The following BAAT variants were observed in gnomAD, a reference collection of about 807,000 sequenced individuals.
BAAT encodes the protein bile acid CoA: amino acid N-acyltransferase (glycine N-choloyltransferase).
A neutral mutation model predicts 18.9 loss-of-function variants in BAAT; 13 were observed. The ratio of observed to expected loss-of-function variants is 0.69; its 90% CI spans 0.45 to 1.10. BAAT has a LOEUF of 1.10. Among genes scored for constraint, BAAT ranks in the 50% least tolerant of loss-of-function variants. BAAT has a pLI of 0.00. For missense variants in BAAT, 489 were observed against 504.0 expected (o/e 0.97, Z 0.28); for synonymous variants, 170 against 190.7 (o/e 0.89, Z 0.89).
chr9:101,380,659 A>C (rs11496612), intron 1 of BAAT, among the ~76,000 whole-genome samples: 47,059 of 152,132 alleles, frequency 0.31, 8,875 homozygotes, highest in Non-Finnish European at 0.43. Flanking sequence ...GCTCCCATCA[A>C]AATTCAAGTG....
Position 101,370,977 on chromosome 9 carries a change from C to G in BAAT, c.428G>C (p.Arg143Pro), listed in dbSNP as rs953427538. Residue 143 changes from arginine to proline, a missense_variant, in exon 2 of 4, where the codon CGA (arginine) becomes CCA (proline). Transcript: ENST00000259407. ...VAPGVTRIKV[R>P]EGRLRGALFL... ...GAGAGCTCCTCGAAGGCGGCCTTCTCGAACCTTAATTCGTGTGACACCAGG... is the reference window on the plus strand; with the variant it reads ...GAGAGCTCCTCGAAGGCGGCCTTCTGGAACCTTAATTCGTGTGACACCAGG... 3.1e-6 allele frequency: 5 copies of G among 1,613,940 alleles called. No individual in the cohort carries two copies. The African/African-American group carries it at 5.3e-5, about 17-fold the overall frequency.
At chr9:101,370,218 A>G in intron 2 of BAAT, among the ~76,000 whole-genome samples, 1 of 152,068 alleles carries the variant, frequency 6.6e-6, no homozygotes, top group African/African-American at 2.4e-5. Context: ...AGGCTGAAGA[A>G]GTATGCAGAA....
At chr9:101,364,765 A>G (rs1237707737) in intron 3 of BAAT, among the ~76,000 whole-genome samples, 1 of 152,188 alleles carries the variant, frequency 6.6e-6, no homozygotes, top group Non-Finnish European at 1.5e-5. Context: ...TTTCCTAACT[A>G]AGGAGGAAAA....
At chr9:101,372,563 TTCTC>T (rs976124686) in intron 1 of BAAT, among the ~76,000 whole-genome samples, 4 of 151,898 alleles carry the variant, frequency 2.6e-5, no homozygotes, top group Non-Finnish European at 4.4e-5. Flanking sequence ...GTTACCACTG[TTCTC>T]TCTCTAACAA....
At position 101,371,303 on chromosome 9, in the gene BAAT, T is replaced by A. The variant is rs774722346; in HGVS notation, c.102A>T (p.Ala34=). 36 of 1,613,646 alleles carry A rather than the reference T, an allele frequency of 2.2e-5. No homozygotes were observed. In the East Asian group the frequency reaches 3.3e-4, roughly 15 times the overall value. ...TGTCTCCGTTTTCATCTTCCAGTGA[T>A]GCCTGAAAACTCACCATCTGAAAGG... is the stretch of plus-strand genomic sequence containing the variant. ...LIPFQMVSFQ[A]SLEDENGDMF... The change falls in exon 2 of 4, where the codon GCA becomes GCT. Residue 34 remains alanine, a synonymous_variant. Coordinates refer to ENST00000259407, the MANE Select transcript of BAAT (RefSeq NM_001701.4).
intron 3 of BAAT, among the ~76,000 whole-genome samples, chr9:101,365,223 C>T (rs781020779): frequency 6.6e-6 from 1 of 152,088 alleles, no homozygotes; most frequent in Non-Finnish European, 1.5e-5. Flanking sequence ...TTTTCTAAAA[C>T]CTTTGTTGAC....
At position 101,380,712 on chromosome 9, in the gene BAAT, C is replaced by T. The variant is rs115400906; in HGVS notation, c.-60+4143G>A. Among the ~76,000 whole-genome samples the T allele has an allele frequency of 1.9e-3, 294 of 152,230 alleles. 1 individual carries two copies. The highest frequency in any genetic ancestry group is 6.6e-3 in the African/African-American group (276 of 41,562). On this transcript the variant is annotated intron_variant, in intron 1 of 3. Transcript: ENST00000259407. ...TATTAACAGTAGGAGATATGTCAAT[C>T]ACATTGTAAAATTTTTTTAAGTGGA...
intron 1 of BAAT, among the ~76,000 whole-genome samples, chr9:101,379,480 C>T (rs1327749046): frequency 1.3e-5 from 2 of 152,184 alleles, no homozygotes; most frequent in Non-Finnish European, 2.9e-5. Context: ...TTTACAAGAA[C>T]CTATATGGCC....
intron 3 of BAAT, among the ~76,000 whole-genome samples, chr9:101,364,225 C>T (rs993914559): frequency 5.9e-5 from 9 of 152,154 alleles, no homozygotes; most frequent in Admixed American, 1.3e-4. Flanking sequence ...CCAAGGCCAA[C>T]ATATTCTACC....
At chr9:101,369,774 A>G (rs1188473182) in intron 2 of BAAT, among the ~76,000 whole-genome samples, 2 of 152,204 alleles carry the variant, frequency 1.3e-5, no homozygotes, top group Admixed American at 6.5e-5. Context: ...GAATTTGGAA[A>G]GGAAAGCTTT....
At chr9:101,369,061 G>A (rs981711830) in intron 2 of BAAT, among the ~76,000 whole-genome samples, 5 of 152,004 alleles carry the variant, frequency 3.3e-5, no homozygotes, top group South Asian at 2.1e-4. Flanking sequence ...AAGTAGGGAC[G>A]GCCAGAGTAT....
chr9:101,365,164 C>T (rs1829805547), intron 3 of BAAT, among the ~76,000 whole-genome samples: 2 of 152,152 alleles, frequency 1.3e-5, no homozygotes, highest in Non-Finnish European at 2.9e-5. Flanking sequence ...TCCGATTCTC[C>T]TTGAGCACTG....
Position 101,371,236 on chromosome 9 carries a change from C to G in BAAT, c.169G>C (p.Glu57Gln), listed in dbSNP as rs988137993. Residue 57 changes from glutamate to glutamine, a missense_variant, in exon 2 of 4, where the codon GAG becomes CAG. Physicochemically the swap from Glu to Gln is conservative, Grantham distance 29 (BLOSUM62 2). Coordinates refer to ENST00000259407, the MANE Select transcript of BAAT (RefSeq NM_001701.4). ...QAHYRANEFG[E>Q]VDLNHASSLG... ...GAAGAAGCATGATTCAGGTCCACCT[C>G]ACCGAATTCATTGGCCCTATAGTGG... The G allele has an allele frequency of 1.2e-6, 2 of 1,613,122 alleles. No homozygotes were observed. The highest frequency in any genetic ancestry group is 2.7e-5 in the African/African-American group (2 of 74,882).
intron 2 of BAAT, among the ~76,000 whole-genome samples, chr9:101,369,101 T>TA (rs1829882050): frequency 6.6e-6 from 1 of 152,118 alleles, no homozygotes; most frequent in African/African-American, 2.4e-5. Context: ...ATAGGCAGCT[T>TA]TTTTCCAAAA....
chr9:101,369,917 G>C (rs369811986), intron 2 of BAAT, among the ~76,000 whole-genome samples: 2 of 151,986 alleles, frequency 1.3e-5, no homozygotes, highest in Non-Finnish European at 1.5e-5. Flanking sequence ...AACTATGAGC[G>C]TTCTGATAAG....
intron 2 of BAAT, among the ~76,000 whole-genome samples, chr9:101,368,817 G>A (rs1299409310): frequency 6.6e-6 from 1 of 152,158 alleles, no homozygotes; most frequent in Non-Finnish European, 1.5e-5. Context: ...ATATATATTT[G>A]TAGGTGAATT....
chr9:101,380,690 T>C (rs917775328), intron 1 of BAAT, among the ~76,000 whole-genome samples: 1 of 152,216 alleles, frequency 6.6e-6, no homozygotes, highest in Non-Finnish European at 1.5e-5. Context: ...TGATACCTAT[T>C]AACAGTAGGA....
chr9:101,361,092 A>G lies in BAAT; in HGVS notation c.*1336T>C, dbSNP rs1829714296. ...CAACCAGGAAGGCCAGCAAGTGTAG[A>G]TGAGAGACAGGATACAGAATCCCTC... On this transcript the variant is annotated 3_prime_UTR_variant, in exon 4 of 4. Transcript: ENST00000259407. 1 of 157,408 alleles carries G rather than the reference A, an allele frequency of 6.4e-6. No individual in the cohort carries two copies. Among genetic ancestry groups the G allele is most frequent in the South Asian group, 2.0e-4 (1 of 4,998 alleles). The allele number at this position is 157,408 out of a possible 1,614,324, so 9.8% of individuals were successfully genotyped here.
Position 101,362,969 on chromosome 9 carries a change from T to C in BAAT, c.716A>G (p.Gln239Arg). ...VGVVSVCQGVQIGLSMAIYLK... is the reference protein window; with the variant it reads ...VGVVSVCQGVRIGLSMAIYLK... ...GTAAATAGCCATAGATAGTCCAATCTGTACTCCTTGACATACAGAGACTAC... is the reference window on the plus strand; with the variant it reads ...GTAAATAGCCATAGATAGTCCAATCCGTACTCCTTGACATACAGAGACTAC... The change falls in exon 4 of 4, where the codon CAG (glutamine) becomes CGG (arginine). Residue 239 changes from glutamine (Q) to arginine (R), a missense_variant. Transcript: ENST00000259407. 3 of 1,614,072 alleles carry C rather than the reference T, an allele frequency of 1.9e-6. No homozygotes were observed. The highest frequency in any genetic ancestry group is 2.5e-6 in the Non-Finnish European group (3 of 1,180,004).
Sources: gnomAD v4.1 joint callset for allele counts (sites outside exome capture counted in the v4.1 genomes callset) on GRCh38, gnomAD v4.1.1 for gene constraint, MANE v1.5 for transcripts, NCBI Gene and HGNC (gene_info 2026-07-23, HGNC 2026-07-21) for gene names.